Variants in PON1 observed in about 807,000 individuals in gnomAD.
PON1 encodes the protein paraoxonase 1.
In PON1, 37 loss-of-function variants were observed where a neutral mutation model predicts 39.2. The ratio of observed to expected loss-of-function variants is 0.94; its 90% CI spans 0.73 to 1.24. PON1 has a LOEUF of 1.24. Among genes scored for constraint, PON1 ranks in the 50% most tolerant of loss-of-function variants. The pLI, the probability that PON1 is intolerant of heterozygous loss-of-function variation, is 0.00. For synonymous variants in PON1, 148 were observed against 152.2 expected (o/e 0.97, Z 0.21); for missense variants, 397 against 413.5 (o/e 0.96, Z 0.35).
At chr7:95,305,645 G>A (rs1807523230) in intron 7 of PON1, among the ~76,000 whole-genome samples, 1 of 152,078 alleles carries the variant, frequency 6.6e-6, no homozygotes, top group Admixed American at 6.6e-5. Flanking sequence ...TTTGAAGATC[G>A]AGGTGACGTT....
rs553952792 is a variant in PON1, at chr7:95,311,661, C to T, written c.371-84G>A. 5.2e-5 allele frequency: 73 copies of T among 1,406,214 alleles called. No homozygotes were observed. In the African/African-American group the frequency reaches 9.5e-4, roughly 18 times the overall value. 87.1% of individuals were successfully genotyped at this position (1,406,214 alleles called of 1,614,324 possible). A position where few individuals can be genotyped will look rare whatever the true frequency, so the allele number is the denominator to read the frequency against. On this transcript the variant is annotated intron_variant, in intron 4 of 8. Transcript: ENST00000222381. The stretch of plus-strand genomic sequence containing the variant: ...TCTCCAAAAACCAATTTCAACCCAC[C>T]TCCAGCTAGTAGTTAGGATGTCAGG...
chr7:95,302,093 TCACAAAA>T (rs1563594259), intron 8 of PON1, 105 bp downstream of exon 8: 1 of 702,360 alleles, frequency 1.4e-6, no homozygotes, highest in African/African-American at 5.3e-5. Flanking sequence ...CGATACTCTG[TCACAAAA>T]AAAAAAAAAA....
intron 7 of PON1, 116 bp downstream of exon 7, chr7:95,306,169 A>G: frequency 2.3e-6 from 2 of 856,436 alleles, no homozygotes; most frequent in South Asian, 2.7e-5. Context: ...TAAAGGAGTG[A>G]AAAATTGGTT....
chr7:95,319,432 T>C (rs1234710477), intron 1 of PON1, among the ~76,000 whole-genome samples: 1 of 152,142 alleles, frequency 6.6e-6, no homozygotes, highest in African/African-American at 2.4e-5. Context: ...ATTTTCGCTG[T>C]CTAAAAAAAT....
In PON1 at chr7:95,300,466, G is replaced by A. The variant is rs182438876; in HGVS notation, c.910-1364C>T. 1.7e-4 allele frequency among the ~76,000 whole-genome samples: 26 copies of A among 152,288 alleles called. No individual in the cohort carries two copies. In the East Asian group the frequency reaches 2.1e-3, roughly 12 times the overall value. Reference sequence around the variant, plus strand: ...TGGATATAAAAGGGTCTGTGGGAACGTTCAAAATGACCTCTTAAAAACAGC... The same window carrying A: ...TGGATATAAAAGGGTCTGTGGGAACATTCAAAATGACCTCTTAAAAACAGC... On this transcript the variant is annotated intron_variant, in intron 8 of 8. Transcript: ENST00000222381.
Position 95,298,938 on chromosome 7 carries a change from GGTCT to G in PON1, c.*2_*5del. 6.2e-7 allele frequency: 1 copy of G among 1,614,112 alleles called. No individual in the cohort carries two copies. The highest frequency in any genetic ancestry group is 1.1e-5 in the South Asian group (1 of 91,078). ...AGTTTCTATGGCATGGGTGCAAATCGGTCTGTTAGAGCTCACAGTAAAGAGCTTT... is the reference window on the plus strand; with the variant it reads ...AGTTTCTATGGCATGGGTGCAAATCGGTTAGAGCTCACAGTAAAGAGCTTT... On this transcript the variant is annotated 3_prime_UTR_variant, in exon 9 of 9. Transcript: ENST00000222381.
intron 5 of PON1, among the ~76,000 whole-genome samples, chr7:95,309,314 GA>G (rs199955176): frequency 0.046 from 6,408 of 138,892 alleles, 332 homozygotes; most frequent in African/African-American, 0.14. Context: ...ATTACAACAT[GA>G]AAAAAAAAAA....
In PON1 at chr7:95,299,906, G is replaced by A. The variant is rs1334185220; in HGVS notation, c.910-804C>T. Among the ~76,000 whole-genome samples, 4 of 152,122 alleles carry A rather than the reference G, an allele frequency of 2.6e-5. No individual in the cohort carries two copies. In the East Asian group the frequency reaches 5.8e-4, roughly 22 times the overall value. On this transcript the variant is annotated intron_variant, in intron 8 of 8. Coordinates refer to ENST00000222381, the MANE Select transcript of PON1 (RefSeq NM_000446.7). ...TGTTGCCATGCAGTAATTAAGGTCC[G>A]TTTTCATGTATTTTCAGGTAAGCCA...
chr7:95,308,251 G>A (rs1274388268), intron 5 of PON1, 40 bp from the exon 6 acceptor site: 9 of 1,563,824 alleles, frequency 5.8e-6, no homozygotes, highest in African/African-American at 4.1e-5. Context: ...TAAGGTGAAG[G>A]TATTGAACAT....
intron 8 of PON1, 137 bp from the exon 9 acceptor site, chr7:95,299,239 C>CTT: frequency 1.1e-6 from 1 of 919,264 alleles, no homozygotes; most frequent in East Asian, 2.5e-5. Flanking sequence ...CAAAATTACA[C>CTT]TTAACACACC....
chr7:95,316,879 G>A, intron 2 of PON1, 90 bp from the exon 3 acceptor site: 1 of 922,140 alleles, frequency 1.1e-6, no homozygotes, highest in Non-Finnish European at 1.8e-6. Flanking sequence ...TTGAAACTGG[G>A]GCTATACATC....
At chr7:95,303,900 T>A (rs184130788) in intron 7 of PON1, among the ~76,000 whole-genome samples, 1 of 152,328 alleles carries the variant, frequency 6.6e-6, no homozygotes, top group East Asian at 1.9e-4. Flanking sequence ...CGCATTGAGG[T>A]TCATTGAAGT....
At chr7:95,308,514 CTG>C (rs1307526437) in intron 5 of PON1, among the ~76,000 whole-genome samples, 1 of 145,204 alleles carries the variant, frequency 6.9e-6, no homozygotes, top group East Asian at 2.0e-4. Context: ...GTGTGTGTAT[CTG>C]TGTGTGTCTG....
At chr7:95,308,508 GTGTA>G (rs1307427312) in intron 5 of PON1, among the ~76,000 whole-genome samples, 1 of 147,010 alleles carries the variant, frequency 6.8e-6, no homozygotes, top group Non-Finnish European at 1.5e-5. Flanking sequence ...GTGTGTGTGT[GTGTA>G]TCTGTGTGTG....
intron 1 of PON1, among the ~76,000 whole-genome samples, chr7:95,322,075 G>A (rs548679003): frequency 6.6e-5 from 10 of 152,266 alleles, no homozygotes; most frequent in African/African-American, 2.4e-4. Context: ...TACTAGGCAA[G>A]TACATCAGAC....
intron 5 of PON1, 119 bp from the exon 6 acceptor site, chr7:95,308,330 G>A (rs961317879): frequency 7.8e-6 from 7 of 898,852 alleles, no homozygotes; most frequent in Non-Finnish European, 8.9e-6. Context: ...GAGCCTTCGT[G>A]CTAGCTATAA....
At chr7:95,320,612 A>C (rs1807875102) in intron 1 of PON1, among the ~76,000 whole-genome samples, 1 of 152,252 alleles carries the variant, frequency 6.6e-6, no homozygotes, top group Non-Finnish European at 1.5e-5. Context: ...CAGGGATTGG[A>C]ATTCAAGTAT....
In PON1 at chr7:95,318,345, G is replaced by A. The variant is rs1352021563; in HGVS notation, c.123C>T (p.Asn41=). The change falls in exon 2 of 9, where the codon AAC becomes AAT. Residue 41 remains asparagine, a synonymous_variant. Transcript: ENST00000222381. ...TACCGATTCCTTTAACTAAATTACA[G>A]TTAGGAAGTTCTACGGGTTGTACCT... ...LREVQPVELP[N]CNLVKGIETG... is the part of the protein sequence containing the mutation. 2 of 1,609,720 alleles carry A rather than the reference G, an allele frequency of 1.2e-6. No individual in the cohort carries two copies. Among genetic ancestry groups the A allele is most frequent in the African/African-American group, 2.7e-5 (2 of 74,774 alleles).
At chr7:95,300,982 TTC>T (rs1238311151) in intron 8 of PON1, among the ~76,000 whole-genome samples, 17 of 152,034 alleles carry the variant, frequency 1.1e-4, no homozygotes, top group Admixed American at 7.9e-4. Context: ...ACACATTTGT[TTC>T]TTTTTTTTTT....
Sources: gnomAD v4.1 joint callset for allele counts (sites outside exome capture counted in the v4.1 genomes callset) on GRCh38, gnomAD v4.1.1 for gene constraint, MANE v1.5 for transcripts, NCBI Gene and HGNC (gene_info 2026-07-23, HGNC 2026-07-21) for gene names.